Variants in CLVS1 observed in about 807,000 individuals in gnomAD.
The protein encoded by CLVS1 is clavesin-1.
CLVS1 carries 10 observed loss-of-function variants against 33.1 expected under a neutral mutation model. The ratio of observed to expected loss-of-function variants is 0.30; its 90% CI spans 0.19 to 0.51. The LOEUF is 0.51. CLVS1 is among the 20% of genes least tolerant of loss of function. The pLI is 0.97. For synonymous variants in CLVS1, 163 were observed against 166.1 expected, an observed-to-expected ratio of 0.98 and a Z score of 0.14; for missense variants, 343 against 433.4, an observed-to-expected ratio of 0.79 and a Z score of 1.85.
Position 61,499,970 on chromosome 8 carries a change from CT to C in CLVS1, c.*429del, listed in dbSNP as rs1395907750. The stretch of plus-strand genomic sequence containing the variant: ...TCAGAGTTAAACTGTACAGACACCA[CT>C]GTCAAGTTTCATGTAGTACAAAGCC... On this transcript the variant is annotated 3_prime_UTR_variant, in exon 6 of 6. Transcript: ENST00000325897. 6.3e-6 allele frequency: 1 copy of C among 158,820 alleles called. No homozygotes were observed. Among genetic ancestry groups the C allele is most frequent in the Non-Finnish European group, 1.4e-5 (1 of 71,232 alleles). 9.8% of individuals were successfully genotyped at this position (158,820 alleles called of 1,614,324 possible).
At chr8:61,273,676 T>C (rs1183784413) in intron 2 of CLVS1, among the ~76,000 whole-genome samples, 2 of 152,172 alleles carry the variant, frequency 1.3e-5, no homozygotes, top group African/African-American at 2.4e-5. Flanking sequence ...GAGCCAGGTG[T>C]GGGATATAAT....
upstream of CLVS1, among the ~76,000 whole-genome samples, chr8:61,054,175 A>G (rs1804433227): frequency 6.6e-6 from 1 of 152,178 alleles, no homozygotes; most frequent in South Asian, 2.1e-4. Flanking sequence ...GACTATTTTT[A>G]GCTGCCGCAA....
intron 2 of CLVS1, among the ~76,000 whole-genome samples, chr8:61,210,864 G>A (rs1158734158): frequency 1.3e-5 from 2 of 152,116 alleles, no homozygotes; most frequent in Non-Finnish European, 2.9e-5. Flanking sequence ...ATCACCCAGG[G>A]ACAGCTTGTA....
At chr8:61,421,790 T>A (rs1334808531) in intron 3 of CLVS1, among the ~76,000 whole-genome samples, 1 of 152,156 alleles carries the variant, frequency 6.6e-6, no homozygotes, top group Non-Finnish European at 1.5e-5. Flanking sequence ...TGGAAGCCAA[T>A]GCTTGTAGTG....
At chr8:61,228,412 C>A (rs1259877789) in intron 2 of CLVS1, among the ~76,000 whole-genome samples, 1 of 152,102 alleles carries the variant, frequency 6.6e-6, no homozygotes, top group African/African-American at 2.4e-5. Flanking sequence ...AGATAAACCC[C>A]TCATAAGCTG....
intron 2 of CLVS1, among the ~76,000 whole-genome samples, chr8:61,373,996 G>A (rs1046876337): frequency 2.6e-5 from 4 of 152,180 alleles, no homozygotes; most frequent in Non-Finnish European, 4.4e-5. Context: ...CGGTAGAAGG[G>A]CAAGAGAACA....
At chr8:61,085,480 T>C (rs1048871765) in intron 1 of CLVS1, among the ~76,000 whole-genome samples, 14 of 152,052 alleles carry the variant, frequency 9.2e-5, no homozygotes, top group Non-Finnish European at 2.1e-4. Flanking sequence ...TAACAGCCTC[T>C]CAATCTATGA....
At chr8:61,397,206 C>A (rs934888103) in intron 3 of CLVS1, among the ~76,000 whole-genome samples, 1 of 151,970 alleles carries the variant, frequency 6.6e-6, no homozygotes, top group African/African-American at 2.4e-5. Flanking sequence ...TGGTTATTGT[C>A]CATTTTTGTT....
At position 61,326,005 on chromosome 8, in the gene CLVS1, C is replaced by A. The variant is rs140995792; in HGVS notation, c.455+25723C>A. Among the ~76,000 whole-genome samples the A allele has an allele frequency of 5.1e-3, 771 of 152,298 alleles. 8 individuals carry two copies. The highest frequency in any genetic ancestry group is 0.018 in the African/African-American group (739 of 41,558). On this transcript the variant is annotated intron_variant, in intron 2 of 5. Coordinates refer to ENST00000325897, the MANE Select transcript of CLVS1 (RefSeq NM_173519.3). ...TACATTATCTCAGAAAACACTCTTG[C>A]AAATGTACCACCACTTCATGACACG...
At chr8:60,978,351 G>T in the CLVS1 span, among the ~76,000 whole-genome samples, 1 of 152,034 alleles carries the variant, frequency 6.6e-6, no homozygotes, top group Non-Finnish European at 1.5e-5. Flanking sequence ...TATGTTAATG[G>T]GCATGCAATG....
At chr8:61,432,643 C>G (rs992251747) in intron 3 of CLVS1, among the ~76,000 whole-genome samples, 53 of 152,216 alleles carry the variant, frequency 3.5e-4, no homozygotes, top group African/African-American at 1.1e-3. Flanking sequence ...TTTAAACCAT[C>G]GAGTCTGTGG....
intron 3 of CLVS1, among the ~76,000 whole-genome samples, chr8:61,413,550 G>T (rs1815315515): frequency 6.6e-6 from 1 of 152,182 alleles, no homozygotes; most frequent in South Asian, 2.1e-4. Context: ...ACAGTCCAGT[G>T]GTGGCAGGCC....
At chr8:61,302,903 G>A (rs1810487029) in intron 2 of CLVS1, among the ~76,000 whole-genome samples, 1 of 152,074 alleles carries the variant, frequency 6.6e-6, no homozygotes, top group Non-Finnish European at 1.5e-5. Flanking sequence ...TGAGGGAAAG[G>A]TGCCACACAC....
chr8:61,282,934 C>T (rs1443928826), intron 2 of CLVS1, among the ~76,000 whole-genome samples: 1 of 152,154 alleles, frequency 6.6e-6, no homozygotes, highest in Non-Finnish European at 1.5e-5. Flanking sequence ...GGCTTCATTC[C>T]CTCCTACCCA....
chr8:61,005,485 A>AAAAAG, the CLVS1 span, among the ~76,000 whole-genome samples: 6 of 151,974 alleles, frequency 3.9e-5, no homozygotes, highest in South Asian at 2.1e-4. Context: ...GCAGCAGGGA[A>AAAAAG]AAAAGAAAAG....
chr8:61,498,280 A>G (rs1445185091), intron 5 of CLVS1, among the ~76,000 whole-genome samples: 4 of 152,322 alleles, frequency 2.6e-5, no homozygotes, highest in African/African-American at 9.6e-5. Context: ...ACTACTTGGC[A>G]TGAAGTCAGG....
At position 61,373,289 on chromosome 8, in the gene CLVS1, G is replaced by A. The variant is rs116571336; in HGVS notation, c.456-3316G>A. On this transcript the variant is annotated intron_variant, in intron 2 of 5. Transcript: ENST00000325897. ...AGCTTCATGACTCAAGACACAGTCC[G>A]TGCAACTCTTTCCTGCCTGCCCAGT... Among the ~76,000 whole-genome samples the A allele has an allele frequency of 5.1e-3, 777 of 152,264 alleles. 6 individuals are homozygous for A. The highest frequency in any genetic ancestry group is 0.017 in the African/African-American group (705 of 41,558).
chr8:61,290,666 T>G (rs185506998), intron 1 of CLVS1, among the ~76,000 whole-genome samples: 83 of 152,338 alleles, frequency 5.4e-4, no homozygotes, highest in African/African-American at 1.8e-3. Flanking sequence ...TAGCAGAGAC[T>G]TCCATCCTTA....
At chr8:61,135,739 G>C (rs896123763) in intron 2 of CLVS1, among the ~76,000 whole-genome samples, 1 of 152,186 alleles carries the variant, frequency 6.6e-6, no homozygotes, top group African/African-American at 2.4e-5. Context: ...TCTGATCTGG[G>C]GGTCTTTAGC....
Sources: allele counts gnomAD v4.1 joint callset (sites outside exome capture counted in the v4.1 genomes callset), GRCh38; gene constraint gnomAD v4.1.1; transcripts MANE v1.5; gene names NCBI Gene and HGNC (gene_info 2026-07-23, HGNC 2026-07-21).